SFT2D2: variants seen among roughly 807,000 people sequenced by gnomAD.
The protein encoded by SFT2D2 is SFT2 domain containing 2, also known as vesicle transport protein SFT2B.
Under a neutral mutation model 27.4 loss-of-function variants are expected in SFT2D2, and 21 were observed. The observed-to-expected ratio is 0.77, with a 90% CI of 0.54 to 1.10. SFT2D2 has a LOEUF of 1.10. SFT2D2 is among the 50% of genes least tolerant of loss of function. SFT2D2 has a pLI of 0.00. For synonymous variants in SFT2D2, 72 were observed against 71.7 expected (o/e 1.00, Z -0.02); for missense variants, 187 against 194.2 (o/e 0.96, Z 0.22).
Position 168,235,045 on chromosome 1 carries a change from G to C in SFT2D2, c.237-56G>C, listed in dbSNP as rs142758430. 4 of 1,482,298 alleles carry C rather than the reference G, an allele frequency of 2.7e-6. No individual in the cohort carries two copies. The East Asian group carries it at 9.1e-5, about 34-fold the overall frequency. The allele number at this position is 1,482,298 out of a possible 1,614,324, so 91.8% of individuals were successfully genotyped here. A position where few individuals can be genotyped will look rare whatever the true frequency, so the allele number is the denominator to read the frequency against. ...CAGGAAATCTTGGGGAGGCGACTCA[G>C]TGTGCCTAGTGCAGTTCTGTTCTGA... On this transcript the variant is annotated intron_variant, in intron 3 of 7. Transcript: ENST00000271375.
intron 1 of SFT2D2, among the ~76,000 whole-genome samples, chr1:168,226,510 A>G (rs1279354017): frequency 6.6e-6 from 1 of 151,596 alleles, no homozygotes; most frequent in Non-Finnish European, 1.5e-5. Context: ...AGGCGGAAGG[A>G]GCCTTTGCTG....
At chr1:168,233,219 G>A (rs1469753340) in intron 3 of SFT2D2, among the ~76,000 whole-genome samples, 1 of 152,180 alleles carries the variant, frequency 6.6e-6, no homozygotes, top group Non-Finnish European at 1.5e-5. Context: ...TGCCTGGAAT[G>A]CTGCCCTATC....
At chr1:168,227,722 G>C (rs1185184479) in intron 1 of SFT2D2, among the ~76,000 whole-genome samples, 4 of 152,026 alleles carry the variant, frequency 2.6e-5, no homozygotes, top group South Asian at 2.1e-4. Flanking sequence ...GCTGACCCTC[G>C]TTATTTAAAG....
At position 168,243,008 on chromosome 1, in the gene SFT2D2, G is replaced by A. The variant is rs142881147; in HGVS notation, c.*468G>A. On this transcript the variant is annotated 3_prime_UTR_variant, in exon 8 of 8. Coordinates refer to ENST00000271375, the MANE Select transcript of SFT2D2 (RefSeq NM_199344.3). Reference sequence around the variant, plus strand: ...ATAGAGTGAGTCTGCTTCTACTCTGGCATCTGAGAACAAGTGACTCTGCTT... The same window carrying A: ...ATAGAGTGAGTCTGCTTCTACTCTGACATCTGAGAACAAGTGACTCTGCTT... 309 of 171,476 alleles carry A rather than the reference G, an allele frequency of 1.8e-3. No homozygotes were observed. The highest frequency in any genetic ancestry group is 8.5e-3 in the Middle Eastern group (3 of 352). 10.6% of individuals were successfully genotyped at this position (171,476 alleles called of 1,614,324 possible).
chr1:168,236,669 C>T (rs1647511832), intron 5 of SFT2D2, 43 bp from the exon 6 acceptor site: 1 of 1,613,628 alleles, frequency 6.2e-7, no homozygotes, highest in Non-Finnish European at 8.5e-7. Context: ...GGCTTTTGCC[C>T]CTTGTCTCAC....
At chr1:168,236,652 C>A (rs371792877) in intron 5 of SFT2D2, 28 bp downstream of exon 5, 11 of 1,613,476 alleles carry the variant, frequency 6.8e-6, no homozygotes, top group East Asian at 4.5e-5. Context: ...TTTTTCTTAA[C>A]CATTTTGGCT....
Position 168,226,132 on chromosome 1 carries a change from G to A in SFT2D2, c.53G>A (p.Gly18Asp). The A allele has an allele frequency of 6.5e-7, 1 of 1,534,594 alleles. No homozygotes were observed. Among genetic ancestry groups the A allele is most frequent in the Non-Finnish European group, 8.8e-7 (1 of 1,139,976 alleles). ...LSGQDTEDRSGLSEVVEASSL... is the reference protein window; with the variant it reads ...LSGQDTEDRSDLSEVVEASSL... ...GGGCAGGACACGGAGGACCGGAGCG[G>A]CCTGTCCGAGGTGAGTGAGCCCGGG... is the stretch of plus-strand genomic sequence containing the variant. Residue 18 changes from glycine (G) to aspartate (D), a missense_variant, in exon 1 of 8, where the codon GGC (glycine) becomes GAC (aspartate). Transcript: ENST00000271375.
intron 6 of SFT2D2, among the ~76,000 whole-genome samples, chr1:168,237,908 T>A (rs1381366542): frequency 6.6e-6 from 1 of 151,940 alleles, no homozygotes; most frequent in African/African-American, 2.4e-5. Flanking sequence ...GTAGACTGTT[T>A]ATATTTTGAT....
rs560432887 is a variant in SFT2D2 at position 168,235,283 on chromosome 1, G to C, written c.318+101G>C. 4 of 1,165,292 alleles carry C rather than the reference G, an allele frequency of 3.4e-6. No individual in the cohort carries two copies. In the African/African-American group the frequency reaches 4.6e-5, roughly 13 times the overall value. 72.2% of individuals were successfully genotyped at this position (1,165,292 alleles called of 1,614,324 possible). ...ATCTAAAGACCTCTTCTCTTTTTCC[G>C]TTCAGCTTGACTTATTACCCTATTC... On this transcript the variant is annotated intron_variant, in intron 4 of 7. Coordinates refer to ENST00000271375, the MANE Select transcript of SFT2D2 (RefSeq NM_199344.3).
chr1:168,232,874 A>G (rs973189529), intron 3 of SFT2D2, among the ~76,000 whole-genome samples: 2 of 152,224 alleles, frequency 1.3e-5, no homozygotes, highest in African/African-American at 4.8e-5. Context: ...TTCCTAGAGA[A>G]GGTGATATCT....
At chr1:168,241,935 G>A (rs1020591014) in intron 7 of SFT2D2, among the ~76,000 whole-genome samples, 1 of 152,164 alleles carries the variant, frequency 6.6e-6, no homozygotes. Flanking sequence ...GTGTGGTGTG[G>A]TGGTGGAAAT....
At chr1:168,231,097 T>C (rs1647266762) in intron 1 of SFT2D2, among the ~76,000 whole-genome samples, 1 of 152,198 alleles carries the variant, frequency 6.6e-6, no homozygotes, top group Non-Finnish European at 1.5e-5. Flanking sequence ...CCTTATTTCC[T>C]GGGACCCTGC....
chr1:168,229,523 C>T (rs974254282), intron 1 of SFT2D2: 1 of 152,318 alleles, frequency 6.6e-6, no homozygotes, highest in Admixed American at 6.5e-5. Flanking sequence ...TTGCTGCTGA[C>T]AAGCCAGTCC....
Position 168,246,746 on chromosome 1 carries a change from CA to C in SFT2D2, c.*4207del. On this transcript the variant is annotated 3_prime_UTR_variant, in exon 8 of 8. Transcript: ENST00000271375. ...TTTGCCTGCTTTGTTTTTCCTTCTC[CA>C]GTTTAGAACGGAGCATTGTGTTCTC... The C allele has an allele frequency of 1.2e-6, 1 of 809,534 alleles. No individual in the cohort carries two copies. The highest frequency in any genetic ancestry group is 2.1e-6 in the Non-Finnish European group (1 of 484,746). 50.1% of individuals were successfully genotyped at this position (809,534 alleles called of 1,614,324 possible). A position where few individuals can be genotyped will look rare whatever the true frequency, so the allele number is the denominator to read the frequency against.
At chr1:168,239,779 G>T (rs181268861) in intron 7 of SFT2D2, among the ~76,000 whole-genome samples, 7 of 150,766 alleles carry the variant, frequency 4.6e-5, no homozygotes, top group Non-Finnish European at 8.8e-5. Flanking sequence ...AAAATTAGCC[G>T]CATGATCTTT....
At position 168,240,827 on chromosome 1, in the gene SFT2D2, G is replaced by T. The variant is rs796770353; in HGVS notation, c.443+1667G>T. Among the ~76,000 whole-genome samples the T allele has an allele frequency of 3.3e-5, 5 of 152,128 alleles. 1 individual carries two copies. The South Asian group carries it at 8.3e-4, about 25-fold the overall frequency. ...CTCAGGAGGCTGAGGCAGTAGAATC[G>T]CTTGAACCTGGGAGGCGGAGGTTGC... On this transcript the variant is annotated intron_variant, in intron 7 of 7. Transcript: ENST00000271375.
chr1:168,229,092 A>G (rs1004533748), intron 1 of SFT2D2, among the ~76,000 whole-genome samples: 2 of 152,224 alleles, frequency 1.3e-5, no homozygotes, highest in African/African-American at 4.8e-5. Context: ...CAAACAGAGT[A>G]ACATTTGGAT....
chr1:168,236,256 A>G (rs560236370), intron 4 of SFT2D2, among the ~76,000 whole-genome samples: 1 of 152,362 alleles, frequency 6.6e-6, no homozygotes, highest in East Asian at 1.9e-4. Flanking sequence ...GAGTTAAAAT[A>G]GAAAGATTTG....
In SFT2D2 at chr1:168,252,352, C is replaced by T. The variant is rs1167695173; in HGVS notation, c.*9812C>T. The T allele has an allele frequency of 6.6e-6, 1 of 152,180 alleles. No individual in the cohort carries two copies. The highest frequency in any genetic ancestry group is 2.4e-5 in the African/African-American group (1 of 41,436). 9.4% of individuals were successfully genotyped at this position (152,180 alleles called of 1,614,324 possible). A position where few individuals can be genotyped will look rare whatever the true frequency, so the allele number is the denominator to read the frequency against. On this transcript the variant is annotated 3_prime_UTR_variant, in exon 8 of 8. Coordinates refer to ENST00000271375, the MANE Select transcript of SFT2D2 (RefSeq NM_199344.3). ...TGGACTAGCTACCTGGACATAATAT[C>T]CTTGTGAGGCATCCTTAAAGGACAA...
Sources: allele counts gnomAD v4.1 joint callset (sites outside exome capture counted in the v4.1 genomes callset), GRCh38; gene constraint gnomAD v4.1.1; transcripts MANE v1.5; gene names NCBI Gene and HGNC (gene_info 2026-07-23, HGNC 2026-07-21).